The following RGS6 variants were observed in gnomAD, a reference collection of about 807,000 sequenced individuals.
RGS6 encodes the protein regulator of G-protein signaling 6.
Under a neutral mutation model 78.5 loss-of-function variants are expected in RGS6, and 30 were observed. The observed-to-expected ratio is 0.38, with a 90% CI of 0.29 to 0.52. The LOEUF is 0.52. Ranked by LOEUF, RGS6 falls within the 20% of genes least tolerant of loss-of-function variation. RGS6 has a pLI of 0.85. For missense variants in RGS6, 495 were observed against 609.7 expected (o/e 0.81, Z 1.98); for synonymous variants, 206 against 206.0 (o/e 1.00, Z 0.00).
chr14:72,179,473 G>A (rs936197718), intron 2 of RGS6, among the ~76,000 whole-genome samples: 1 of 152,224 alleles, frequency 6.6e-6, no homozygotes, highest in East Asian at 1.9e-4. Flanking sequence ...GTGGGCAGCA[G>A]TGCTGCTAAT....
chr14:71,877,262 A>C, the RGS6 span, among the ~76,000 whole-genome samples: 3 of 152,202 alleles, frequency 2.0e-5, no homozygotes, highest in South Asian at 2.1e-4. Flanking sequence ...TAATATCCTT[A>C]AGAGTGTTTT....
chr14:72,530,517 G>A (rs188204776), intron 15 of RGS6, among the ~76,000 whole-genome samples: 80 of 152,162 alleles, frequency 5.3e-4, no homozygotes, highest in African/African-American at 1.8e-3. Flanking sequence ...GTGAAACACC[G>A]TCTCTACTAA....
At chr14:72,419,359 C>G (rs1349887420) in intron 3 of RGS6, among the ~76,000 whole-genome samples, 2 of 152,186 alleles carry the variant, frequency 1.3e-5, no homozygotes, top group African/African-American at 4.8e-5. Flanking sequence ...AATGGAGGCA[C>G]AGAGAAGTTC....
At chr14:71,877,257 T>C in the RGS6 span, among the ~76,000 whole-genome samples, 1 of 152,342 alleles carries the variant, frequency 6.6e-6, no homozygotes, top group Admixed American at 6.5e-5. Context: ...CTGGATAATA[T>C]CCTTAAGAGT....
At chr14:72,029,482 A>G (rs774486825) in intron 2 of RGS6, among the ~76,000 whole-genome samples, 1 of 152,310 alleles carries the variant, frequency 6.6e-6, no homozygotes, top group South Asian at 2.1e-4. Context: ...CCCTCCGTGT[A>G]TTCTGCTGGA....
At chr14:72,537,268 G>A (rs1159159937) in intron 16 of RGS6, among the ~76,000 whole-genome samples, 1 of 152,178 alleles carries the variant, frequency 6.6e-6, no homozygotes, top group African/African-American at 2.4e-5. Flanking sequence ...CCCATCACAT[G>A]CTCTCCGCTG....
the RGS6 span, among the ~76,000 whole-genome samples, chr14:72,600,570 GACACACACACAC>G: frequency 6.7e-6 from 1 of 148,530 alleles, no homozygotes; most frequent in African/African-American, 2.5e-5. Flanking sequence ...AAGCCAGGCA[GACACACACACAC>G]ACACACACAC....
intron 2 of RGS6, among the ~76,000 whole-genome samples, chr14:72,279,328 A>T (rs1454844432): frequency 6.6e-6 from 1 of 152,046 alleles, no homozygotes; most frequent in Non-Finnish European, 1.5e-5. Flanking sequence ...GAAATGGAAG[A>T]AGCTGGAAGA....
intron 3 of RGS6, among the ~76,000 whole-genome samples, chr14:72,356,074 G>A (rs970438656): frequency 7.9e-5 from 12 of 152,126 alleles, no homozygotes; most frequent in African/African-American, 2.9e-4. Flanking sequence ...AATTCCCTGG[G>A]GGATTGAGGG....
intron 2 of RGS6, among the ~76,000 whole-genome samples, chr14:72,307,947 C>G (rs968362871): frequency 6.6e-6 from 1 of 152,044 alleles, no homozygotes; most frequent in Admixed American, 6.6e-5. Flanking sequence ...TACATTTATT[C>G]CTAGGTATTT....
intron 2 of RGS6, among the ~76,000 whole-genome samples, chr14:72,117,652 G>A (rs1368899391): frequency 1.3e-5 from 2 of 152,202 alleles, no homozygotes; most frequent in East Asian, 3.8e-4. Flanking sequence ...GGGAAGGACA[G>A]CCACAACATG....
Position 72,563,178 on chromosome 14 carries a change from G to A in RGS6, c.*711G>A, listed in dbSNP as rs558620113. The A allele has an allele frequency of 2.3e-5, 5 of 216,806 alleles. No individual in the cohort carries two copies. The highest frequency in any genetic ancestry group is 1.8e-4 in the South Asian group (2 of 10,900). 13.4% of individuals were successfully genotyped at this position (216,806 alleles called of 1,614,324 possible). ...CCGTCACATGTCTCAAGGGTCCAGCGTTCGAGGAAGCACTGTTGTAGATGA... is the reference window on the plus strand; with the variant it reads ...CCGTCACATGTCTCAAGGGTCCAGCATTCGAGGAAGCACTGTTGTAGATGA... On this transcript the variant is annotated 3_prime_UTR_variant, in exon 18 of 18. Coordinates refer to ENST00000553525, the MANE Select transcript of RGS6 (RefSeq NM_001204424.2).
At chr14:72,594,719 G>A in the RGS6 span, 2 of 152,182 alleles carry the variant, frequency 1.3e-5, no homozygotes, top group Non-Finnish European at 2.9e-5. Context: ...AACCTCAGTT[G>A]TGTTGAATTA....
At chr14:71,895,629 C>T in the RGS6 span, among the ~76,000 whole-genome samples, 1 of 152,290 alleles carries the variant, frequency 6.6e-6, no homozygotes, top group African/African-American at 2.4e-5. Flanking sequence ...GAGCAGATGG[C>T]TCAGTCTTAA....
intron 2 of RGS6, among the ~76,000 whole-genome samples, chr14:72,028,323 A>G (rs1303420008): frequency 2.6e-5 from 4 of 152,350 alleles, no homozygotes; most frequent in Middle Eastern, 6.8e-3. Context: ...CTGTTTGTGG[A>G]ATTCCTGAGT....
At chr14:71,990,413 G>T (rs923912102) in intron 2 of RGS6, 1 of 360,396 alleles carries the variant, frequency 2.8e-6, no homozygotes, top group Non-Finnish European at 5.5e-6. Flanking sequence ...TCAGTAAAAG[G>T]TTGAAAAGTT....
intron 2 of RGS6, among the ~76,000 whole-genome samples, chr14:71,982,019 G>A (rs1375846174): frequency 6.6e-5 from 10 of 151,664 alleles, no homozygotes; most frequent in African/African-American, 1.7e-4. Context: ...TCGGAAAAGC[G>A]CAGTATTCGG....
chr14:72,278,362 C>A (rs1270849354), intron 2 of RGS6, among the ~76,000 whole-genome samples: 1 of 152,080 alleles, frequency 6.6e-6, no homozygotes, highest in African/African-American at 2.4e-5. Flanking sequence ...GAGAAGAGAA[C>A]CTAGAAAGGA....
At chr14:72,317,367 TC>T (rs2070589604) in intron 2 of RGS6, among the ~76,000 whole-genome samples, 1 of 152,168 alleles carries the variant, frequency 6.6e-6, no homozygotes, top group African/African-American at 2.4e-5. Context: ...TCTTTTATGG[TC>T]CCTTTTTAAT....
Sources: allele counts gnomAD v4.1 joint callset (sites outside exome capture counted in the v4.1 genomes callset), GRCh38; gene constraint gnomAD v4.1.1; transcripts MANE v1.5; gene names NCBI Gene and HGNC (gene_info 2026-07-23, HGNC 2026-07-21).